The following TSNARE1 variants were observed in gnomAD, a reference collection of about 807,000 sequenced individuals.
TSNARE1 encodes t-SNARE domain containing 1, also known as t-SNARE domain-containing protein 1.
Under a neutral mutation model 62.0 loss-of-function variants are expected in TSNARE1, and 49 were observed. The ratio of observed to expected loss-of-function variants is 0.79; its 90% CI spans 0.63 to 1.00. TSNARE1 has a LOEUF of 1.00. Ranked by LOEUF, TSNARE1 falls within the 50% of genes least tolerant of loss-of-function variation. The pLI is 0.00. For missense variants in TSNARE1, 755 were observed against 700.1 expected, an observed-to-expected ratio of 1.08 and a Z score of -0.88; for synonymous variants, 328 against 294.4, an observed-to-expected ratio of 1.11 and a Z score of -1.17.
intron 2 of TSNARE1, 52 bp downstream of exon 2, chr8:142,354,585 T>C: frequency 1.5e-6 from 2 of 1,307,698 alleles, no homozygotes; most frequent in Non-Finnish European, 2.2e-6. Context: ...GATCCTACCC[T>C]ACCCACTACC....
intron 11 of TSNARE1, chr8:142,276,218 C>T (rs1057032946): frequency 2.3e-5 from 23 of 985,342 alleles, no homozygotes; most frequent in African/African-American, 5.2e-5. Flanking sequence ...GTGACGGCCT[C>T]GGCCGCTCCT....
intron 4 of TSNARE1, among the ~76,000 whole-genome samples, chr8:142,334,080 T>C (rs1831433920): frequency 2.0e-5 from 3 of 152,268 alleles, no homozygotes; most frequent in Admixed American, 1.3e-4. Flanking sequence ...GGAGTGTAAA[T>C]GGACCATGGT....
chr8:142,331,675 G>C (rs1434797193), intron 5 of TSNARE1, 79 bp downstream of exon 5: 1 of 1,402,812 alleles, frequency 7.1e-7, no homozygotes, highest in Non-Finnish European at 9.9e-7. Context: ...AAGCCATCCA[G>C]CACCCTCGCC....
chr8:142,225,145 T>A (rs1816714231), intron 13 of TSNARE1, among the ~76,000 whole-genome samples: 2 of 136,362 alleles, frequency 1.5e-5, no homozygotes, highest in Non-Finnish European at 3.2e-5. Flanking sequence ...ATGGTTGCCC[T>A]GCCTCCCCCC....
upstream of TSNARE1, chr8:142,405,905 C>T (rs1394855849): frequency 6.6e-6 from 1 of 152,368 alleles, no homozygotes; most frequent in Non-Finnish European, 1.5e-5. Flanking sequence ...CTCACTATTA[C>T]CCAGGCCTCC....
intron 12 of TSNARE1, among the ~76,000 whole-genome samples, chr8:142,262,126 G>A (rs1266219648): frequency 6.6e-6 from 1 of 152,238 alleles, no homozygotes; most frequent in Non-Finnish European, 1.5e-5. Context: ...CGACTCCGTG[G>A]TGGGACAGCA....
intron 11 of TSNARE1, chr8:142,277,728 G>A (rs575263637): frequency 3.0e-6 from 3 of 985,318 alleles, no homozygotes; most frequent in African/African-American, 1.7e-5. Flanking sequence ...GGAGCCCAGC[G>A]GCCTGGGGAC....
At chr8:142,363,337 C>T (rs1387248640) in intron 1 of TSNARE1, among the ~76,000 whole-genome samples, 1 of 152,146 alleles carries the variant, frequency 6.6e-6, no homozygotes, top group African/African-American at 2.4e-5. Context: ...AGATCCATCA[C>T]CGGTGGAGGT....
At chr8:142,345,453 C>T (rs542358867) in intron 3 of TSNARE1, among the ~76,000 whole-genome samples, 8 of 152,212 alleles carry the variant, frequency 5.3e-5, no homozygotes, top group Non-Finnish European at 8.8e-5. Flanking sequence ...TGAGGGGCCA[C>T]AAGAGCAGGT....
intron 12 of TSNARE1, among the ~76,000 whole-genome samples, chr8:142,237,150 C>T (rs10112697): frequency 0.028 from 2,955 of 105,866 alleles, 102 homozygotes; most frequent in African/African-American, 0.13. Flanking sequence ...TGCTCAGCCT[C>T]CCCTCCTGCG....
intron 1 of TSNARE1, among the ~76,000 whole-genome samples, chr8:142,386,911 CTAAG>C (rs928447762): frequency 4.6e-5 from 7 of 152,148 alleles, no homozygotes; most frequent in African/African-American, 1.4e-4. Flanking sequence ...GAGACAGAAA[CTAAG>C]TAAGGATTAT....
intron 13 of TSNARE1, among the ~76,000 whole-genome samples, chr8:142,215,111 C>CCGTG (rs1468143605): frequency 1.4e-4 from 21 of 152,314 alleles, no homozygotes; most frequent in African/African-American, 4.8e-5. Context: ...AGAGGTGTCC[C>CCGTG]CGGGCCCAGG....
Position 142,343,804 on chromosome 8 carries a change from G to GGAGGAGGAGGGGA in TSNARE1, c.745+149_745+161dup, listed in dbSNP as rs1554667219. Among the ~76,000 whole-genome samples the GGAGGAGGAGGGGA allele has an allele frequency of 3.3e-3, 234 of 71,034 alleles. 3 individuals are homozygous for GGAGGAGGAGGGGA. The highest frequency in any genetic ancestry group is 8.6e-3 in the East Asian group (16 of 1,860). 46.6% of individuals were successfully genotyped at this position (71,034 alleles called of 152,430 possible). A position where few individuals can be genotyped will look rare whatever the true frequency, so the allele number is the denominator to read the frequency against. The stretch of plus-strand genomic sequence containing the variant: ...AGGAGGAGGAGGAGGAGGGGGAGGA[G>GGAGGAGGAGGGGA]GAGGAGGAGGGGAGAGGAGGAGGGG... On this transcript the variant is annotated intron_variant, in intron 4 of 13. Transcript: ENST00000524325.
At chr8:142,397,788 C>T (rs558285149) in intron 1 of TSNARE1, among the ~76,000 whole-genome samples, 3 of 152,236 alleles carry the variant, frequency 2.0e-5, no homozygotes, top group African/African-American at 7.2e-5. Flanking sequence ...AGCTGCGTGG[C>T]TAGCCCACCA....
chr8:142,327,028 A>C (rs1830374796), intron 6 of TSNARE1, among the ~76,000 whole-genome samples: 1 of 152,154 alleles, frequency 6.6e-6, no homozygotes, highest in Non-Finnish European at 1.5e-5. Context: ...GGGGTGTAAA[A>C]TGGGGCAGCT....
intron 13 of TSNARE1, among the ~76,000 whole-genome samples, chr8:142,228,383 G>A (rs1816937251): frequency 6.6e-6 from 1 of 152,180 alleles, no homozygotes; most frequent in African/African-American, 2.4e-5. Context: ...TGCAGCCCAG[G>A]GCCCTGTGCC....
intron 13 of TSNARE1, among the ~76,000 whole-genome samples, chr8:142,219,452 C>T (rs974805122): frequency 3.3e-5 from 5 of 152,120 alleles, no homozygotes; most frequent in Admixed American, 6.5e-5. Context: ...GAGAGGCTGT[C>T]GCCCTTTACA....
intron 1 of TSNARE1, among the ~76,000 whole-genome samples, chr8:142,370,814 A>G (rs898854561): frequency 5.3e-5 from 8 of 151,770 alleles, no homozygotes; most frequent in Non-Finnish European, 8.8e-5. Flanking sequence ...CAATGGAGTG[A>G]CATCTTTAAA....
intron 13 of TSNARE1, among the ~76,000 whole-genome samples, chr8:142,216,942 T>C (rs981444270): frequency 4.6e-5 from 7 of 151,944 alleles, no homozygotes. Context: ...AGGTGAACAG[T>C]CGTGGAGAAA....
Sources: allele counts gnomAD v4.1 joint callset (sites outside exome capture counted in the v4.1 genomes callset), GRCh38; gene constraint gnomAD v4.1.1; transcripts MANE v1.5; gene names NCBI Gene and HGNC (gene_info 2026-07-23, HGNC 2026-07-21).